Variants in MAP1S observed in about 807,000 individuals in gnomAD.
MAP1S encodes microtubule-associated protein 1S.
In MAP1S, 27 loss-of-function variants were observed where a neutral mutation model predicts 60.9. The ratio of observed to expected loss-of-function variants is 0.44; its 90% confidence interval spans 0.33 to 0.61. MAP1S has a LOEUF of 0.61. Among genes scored for constraint, MAP1S ranks in the 20% least tolerant of loss-of-function variants. MAP1S has a pLI of 0.03. For synonymous variants in MAP1S, 826 were observed against 694.2 expected (o/e 1.19, Z -2.98); for missense variants, 1,608 against 1,486.6 (o/e 1.08, Z -1.34).
At position 17,726,355 on chromosome 19, in the gene MAP1S, A is replaced by G; in HGVS notation, c.971A>G (p.Asp324Gly). Residue 324 changes from aspartate (D) to glycine (G), a missense_variant, in exon 5 of 7, where the codon GAC (aspartate) becomes GGC (glycine). By Grantham distance (94) the Asp-to-Gly change is moderately conservative. Transcript: ENST00000324096. ...GCTGCTGGTGGGGGCTCCTGGGACG[A>G]CAGGCTGCGCAGGCTCATCTCCCCC... ...EVAAGGGSWD[D>G]RLRRLISPNL... 6.9e-6 allele frequency: 11 copies of G among 1,599,470 alleles called. No homozygotes were observed. Among genetic ancestry groups the G allele is most frequent in the Non-Finnish European group, 7.6e-6 (9 of 1,178,014 alleles).
In MAP1S at chr19:17,726,116, C is replaced by T. The variant is rs150812321; in HGVS notation, c.732C>T (p.Tyr244=). 4.3e-4 allele frequency: 686 copies of T among 1,614,010 alleles called. No individual in the cohort carries two copies. Among genetic ancestry groups the T allele is most frequent in the Non-Finnish European group, 5.5e-4 (648 of 1,179,968 alleles). The part of the protein sequence containing the change: ...GFLRLGRPCC[Y]IFPGGLGDAA... The stretch of plus-strand genomic sequence containing the variant: ...TCAGGCTGGGCCGGCCCTGCTGCTA[C>T]ATCTTCCCTGGAGGCCTCGGGGATG... The change falls in exon 5 of 7, where the codon TAC becomes TAT. Residue 244 remains tyrosine (Y), a synonymous_variant. Transcript: ENST00000324096.
At position 17,726,985 on chromosome 19, in the gene MAP1S, C is replaced by T. The variant is rs1316476951; in HGVS notation, c.1601C>T (p.Ser534Phe). The T allele has an allele frequency of 3.8e-6, 6 of 1,578,152 alleles. No individual in the cohort carries two copies. Among genetic ancestry groups the T allele is most frequent in the Non-Finnish European group, 5.2e-6 (6 of 1,162,722 alleles). Residue 534 changes from serine to phenylalanine, a missense_variant, in exon 5 of 7, where the codon TCC becomes TTC. By Grantham distance (155) the Ser-to-Phe change is radical. Transcript: ENST00000324096. ...ELKKDPKPSV[S>F]RTQPREVRRA... ...AAGAAAGACCCCAAACCGAGTGTCT[C>T]CCGGACCCAGCCGCGGGAGGTGCGC...
chr19:17,725,680 T>C lies in MAP1S; in HGVS notation c.445-149T>C. ...GGAGGTGAGGCCAGATCAAAGAGCCTTGTGGCGCTGGAGAGGGTTGGGTTT... is the reference window on the plus strand; with the variant it reads ...GGAGGTGAGGCCAGATCAAAGAGCCCTGTGGCGCTGGAGAGGGTTGGGTTT... On this transcript the variant is annotated intron_variant, in intron 4 of 6. Transcript: ENST00000324096. The surrounding 1 kb of genome is among the most constrained non-coding windows in gnomAD (Gnocchi z 4.2). 1.4e-6 allele frequency: 1 copy of C among 726,558 alleles called. No homozygotes were observed. Among genetic ancestry groups the C allele is most frequent in the East Asian group, 2.7e-5 (1 of 37,246 alleles). The allele number at this position is 726,558 out of a possible 1,614,324, so 45.0% of individuals were successfully genotyped here. A position where few individuals can be genotyped will look rare whatever the true frequency, so the allele number is the denominator to read the frequency against.
Position 17,725,758 on chromosome 19 carries a change from C to A in MAP1S, c.445-71C>A. 6.8e-7 allele frequency: 1 copy of A among 1,465,398 alleles called. No individual in the cohort carries two copies. The highest frequency in any genetic ancestry group is 9.3e-7 in the Non-Finnish European group (1 of 1,080,990). 90.8% of individuals were successfully genotyped at this position (1,465,398 alleles called of 1,614,324 possible). A position where few individuals can be genotyped will look rare whatever the true frequency, so the allele number is the denominator to read the frequency against. On this transcript the variant is annotated intron_variant, in intron 4 of 6. Coordinates refer to ENST00000324096, the MANE Select transcript of MAP1S (RefSeq NM_018174.6). The surrounding 1 kb of genome is among the most constrained non-coding windows in gnomAD (Gnocchi z 4.2). ...CTGGGGGAAAGGATGAGGGTGTCCT[C>A]GCCCAGTTTTCCCACCGGGCTAGGT...
chr19:17,728,500 C>T (rs563583652), intron 5 of MAP1S, among the ~76,000 whole-genome samples: 61 of 152,038 alleles, frequency 4.0e-4, no homozygotes, highest in Admixed American at 4.6e-4. Flanking sequence ...GTGCCCACCT[C>T]AGCCTCCCAA....
In MAP1S at chr19:17,728,186, C is replaced by A. The variant is rs758759534; in HGVS notation, c.2788+14C>A. 4 of 1,555,084 alleles carry A rather than the reference C, an allele frequency of 2.6e-6. No homozygotes were observed. The highest frequency in any genetic ancestry group is 3.8e-5 in the Admixed American group (2 of 52,084). On this transcript the variant is annotated intron_variant, in intron 5 of 6. Transcript: ENST00000324096. ...GAGGCCCGTCGGGTGAGTACTGGAG[C>A]TGGGGCCCTGGGCTGGGTTAGCAGC...
chr19:17,727,638 C>T lies in MAP1S; in HGVS notation c.2254C>T (p.Pro752Ser). The T allele has an allele frequency of 1.2e-6, 2 of 1,608,192 alleles. No individual in the cohort carries two copies. The highest frequency in any genetic ancestry group is 1.7e-6 in the Non-Finnish European group (2 of 1,179,726). ...PCEFEHRKAV[P>S]MAPAPASPGS... ...TGAATTTGAGCATCGCAAGGCGGTG[C>T]CAATGGCACCGGCACCTGCGTCCCC... Residue 752 changes from proline (P) to serine (S), a missense_variant, in exon 5 of 7, where the codon CCA becomes TCA. Around this residue, in one of 4 missense-constraint regions of MAP1S, gnomAD observed 1,167 missense variants for 961.4 expected, o/e 1.21. Transcript: ENST00000324096. The surrounding 1 kb of genome is among the most constrained non-coding windows in gnomAD (Gnocchi z 4.1).
intron 5 of MAP1S, among the ~76,000 whole-genome samples, chr19:17,730,439 A>G (rs1683310520): frequency 2.0e-5 from 3 of 152,098 alleles, no homozygotes; most frequent in African/African-American, 7.2e-5. Flanking sequence ...TCAGCCTCCC[A>G]AGTAGCTGGG....
intron 2 of MAP1S, among the ~76,000 whole-genome samples, chr19:17,722,162 C>T (rs866439234): frequency 1.3e-4 from 20 of 151,326 alleles, no homozygotes; most frequent in Non-Finnish European, 8.8e-5. Flanking sequence ...TGGCAAAAAG[C>T]GTGCTAAGGC....
At chr19:17,722,066 A>G (rs1242544111) in intron 2 of MAP1S, among the ~76,000 whole-genome samples, 1 of 152,118 alleles carries the variant, frequency 6.6e-6, no homozygotes, top group African/African-American at 2.4e-5. Context: ...TGGAGCTGGA[A>G]ATCCTGTCTG....
intron 2 of MAP1S, among the ~76,000 whole-genome samples, chr19:17,722,898 A>G (rs2080384089): frequency 6.6e-6 from 1 of 152,112 alleles, no homozygotes. Flanking sequence ...TAAATGTGAT[A>G]AGGGCTGGCA....
chr19:17,727,905 T>G lies in MAP1S; in HGVS notation c.2521T>G (p.Cys841Gly). The G allele has an allele frequency of 1.2e-6, 2 of 1,611,272 alleles. No individual in the cohort carries two copies. Among genetic ancestry groups the G allele is most frequent in the Non-Finnish European group, 1.7e-6 (2 of 1,179,388 alleles). The change falls in exon 5 of 7, where the codon TGC becomes GGC. Residue 841 changes from cysteine to glycine, a missense_variant. This residue lies in a region of MAP1S where 1,167 missense variants were observed against 961.4 expected (regional missense o/e 1.21). Transcript: ENST00000324096. The surrounding 1 kb of genome is among the most constrained non-coding windows in gnomAD (Gnocchi z 4.1). ...PPPLPDPSSI[C>G]MVDPEMLPPK... is the part of the protein sequence containing the mutation. Reference sequence around the variant, plus strand: ...ACCACTGCCTGACCCATCCAGCATCTGCATGGTGGACCCCGAGATGCTGCC... The same window carrying G: ...ACCACTGCCTGACCCATCCAGCATCGGCATGGTGGACCCCGAGATGCTGCC...
chr19:17,730,909 T>C (rs1184962155), intron 5 of MAP1S, among the ~76,000 whole-genome samples: 1 of 151,078 alleles, frequency 6.6e-6, no homozygotes, highest in Non-Finnish European at 1.5e-5. Flanking sequence ...TTTTTTTTTT[T>C]CAGATGAGTC....
At chr19:17,731,675 T>C (rs1347940263) in intron 5 of MAP1S, among the ~76,000 whole-genome samples, 1 of 152,244 alleles carries the variant, frequency 6.6e-6, no homozygotes, top group Non-Finnish European at 1.5e-5. Flanking sequence ...TCGTTTATTA[T>C]TATTTTTTGA....
intron 1 of MAP1S, 143 bp from the exon 2 acceptor site, chr19:17,720,793 G>A (rs1599451176): frequency 2.8e-6 from 2 of 719,788 alleles, no homozygotes; most frequent in East Asian, 2.5e-5. Context: ...AGACCTGAAG[G>A]TGTTGGGTAC....
chr19:17,727,562 G>A lies in MAP1S; in HGVS notation c.2178G>A (p.Ala726=), dbSNP rs777194685. The A allele has an allele frequency of 1.3e-5, 21 of 1,607,406 alleles. No homozygotes were observed. Among genetic ancestry groups the A allele is most frequent in the East Asian group, 6.7e-5 (3 of 44,790 alleles). ...GCCTCCCGCTGCGTGGCCCCCGGGC[G>A]CGGCGCTCGGCTTCCCCACACGATG... ...GLSLPLRGPR[A]RRSASPHDVD... Residue 726 remains alanine, a synonymous_variant, in exon 5 of 7, where the codon GCG becomes GCA. Coordinates refer to ENST00000324096, the MANE Select transcript of MAP1S (RefSeq NM_018174.6). This position sits in a 1 kb window ranked among gnomAD's most constrained non-coding sequence, Gnocchi z 4.1.
rs548945120 is a variant in MAP1S, at chr19:17,725,038, C to T, written c.304-11C>T. The T allele has an allele frequency of 6.2e-7, 1 of 1,614,106 alleles. No homozygotes were observed. Among genetic ancestry groups the T allele is most frequent in the East Asian group, 2.2e-5 (1 of 44,874 alleles). Reference sequence around the variant, plus strand: ...CAGAACGGGTCCTTTAGTGTTCACCCCCTCCCTCAGCTCCGGAACCTTCTG... The same window carrying T: ...CAGAACGGGTCCTTTAGTGTTCACCTCCTCCCTCAGCTCCGGAACCTTCTG... On this transcript the variant is annotated splice_polypyrimidine_tract_variant and intron_variant, in intron 3 of 6. Transcript: ENST00000324096. This position sits in a 1 kb window ranked among gnomAD's most constrained non-coding sequence, Gnocchi z 4.2.
chr19:17,730,082 A>G (rs1327317774), intron 5 of MAP1S, among the ~76,000 whole-genome samples: 1 of 152,172 alleles, frequency 6.6e-6, no homozygotes, highest in Non-Finnish European at 1.5e-5. Context: ...TGCTGGGATT[A>G]TAGGCATAAG....
chr19:17,722,587 A>G (rs2080380200), intron 2 of MAP1S, among the ~76,000 whole-genome samples: 1 of 151,988 alleles, frequency 6.6e-6, no homozygotes, highest in Admixed American at 6.6e-5. Context: ...CATCTCTACT[A>G]AAAATACAAA....
Sources: gnomAD v4.1 joint callset for allele counts (sites outside exome capture counted in the v4.1 genomes callset) on GRCh38, gnomAD v4.1.1 for gene constraint, gnomAD v4.1.1 regional missense constraint, Gnocchi (gnomAD v3.1) non-coding constraint, MANE v1.5 for transcripts, NCBI Gene and HGNC (gene_info 2026-07-23, HGNC 2026-07-21) for gene names.